Variants in BANF2 observed in about 807,000 individuals in gnomAD.
The protein encoded by BANF2 is BANF family member 2, also known as barrier-to-autointegration factor-like protein.
BANF2 carries 4 observed loss-of-function variants against 8.0 expected under a neutral mutation model. The ratio of observed to expected loss-of-function variants is 0.50; its 90% CI spans 0.25 to 1.14. BANF2 has a LOEUF of 1.14. Ranked by LOEUF, BANF2 falls within the 50% of genes most tolerant of loss-of-function variation. BANF2 has a pLI of 0.16. For synonymous variants in BANF2, 50 were observed against 40.6 expected (o/e 1.23, Z -0.88); for missense variants, 96 against 107.5 (o/e 0.89, Z 0.47).
chr20:17,701,458 A>G (rs144945812), intron 1 of BANF2, among the ~76,000 whole-genome samples: 29 of 152,270 alleles, frequency 1.9e-4, no homozygotes, highest in Admixed American at 3.9e-4. Flanking sequence ...TTCACTCTCT[A>G]TCGACTATCC....
chr20:17,733,226 G>A (rs2037927896), intron 3 of BANF2, among the ~76,000 whole-genome samples: 1 of 152,212 alleles, frequency 6.6e-6, no homozygotes, highest in Non-Finnish European at 1.5e-5. Flanking sequence ...GGATGCATTA[G>A]CCTCCAGGCC....
chr20:17,713,528 C>A (rs1005166582), intron 1 of BANF2, among the ~76,000 whole-genome samples: 1 of 152,152 alleles, frequency 6.6e-6, no homozygotes, highest in Non-Finnish European at 1.5e-5. Context: ...CTGCACTGTA[C>A]ACTTGCAGAT....
chr20:17,703,096 G>T (rs1175566917), intron 1 of BANF2, among the ~76,000 whole-genome samples: 1 of 152,100 alleles, frequency 6.6e-6, no homozygotes, highest in Non-Finnish European at 1.5e-5. Context: ...TGCATTTGCT[G>T]TTCTCTCTGC....
At chr20:17,727,640 G>A (rs901939244) in intron 3 of BANF2, among the ~76,000 whole-genome samples, 6 of 152,026 alleles carry the variant, frequency 3.9e-5, no homozygotes, top group Non-Finnish European at 7.4e-5. Flanking sequence ...CTGAAGTCAG[G>A]GCCAGCAATG....
intron 1 of BANF2, among the ~76,000 whole-genome samples, chr20:17,694,198 A>G (rs1471740219): frequency 2.6e-5 from 4 of 152,192 alleles, no homozygotes; most frequent in Non-Finnish European, 5.9e-5. Flanking sequence ...GTGGTATGGG[A>G]TGGGAGGTGG....
At chr20:17,735,389 T>C (rs182849377) in intron 3 of BANF2, among the ~76,000 whole-genome samples, 6 of 152,316 alleles carry the variant, frequency 3.9e-5, no homozygotes, top group Middle Eastern at 3.4e-3. Context: ...ACATGATTCA[T>C]GTGCTTGTCA....
intron 1 of BANF2, among the ~76,000 whole-genome samples, chr20:17,713,035 GCCAGGAGTT>G (rs2037597849): frequency 6.6e-6 from 1 of 152,038 alleles, no homozygotes; most frequent in Non-Finnish European, 1.5e-5. Context: ...ATTGCTTGAG[GCCAGGAGTT>G]CAAGACCAGC....
chr20:17,714,207 AAAAAAAAG>A (rs1199508814), intron 1 of BANF2, among the ~76,000 whole-genome samples: 3 of 148,650 alleles, frequency 2.0e-5, no homozygotes, highest in African/African-American at 7.3e-5. Context: ...CAAAAAAAAA[AAAAAAAAG>A]AAAGAAAGAA....
At chr20:17,712,443 G>A (rs1402108945) in intron 1 of BANF2, 25 of 824,532 alleles carry the variant, frequency 3.0e-5, no homozygotes, top group African/African-American at 5.6e-5. Context: ...TGGAAGGCAA[G>A]CCACCAAGTC....
chr20:17,714,105 C>T (rs927835280), intron 1 of BANF2, among the ~76,000 whole-genome samples: 1 of 144,752 alleles, frequency 6.9e-6, no homozygotes, highest in Non-Finnish European at 1.5e-5. Flanking sequence ...ACTTGGCAGG[C>T]TTAGGTACAA....
At chr20:17,732,444 C>A (rs1351553570) in intron 3 of BANF2, among the ~76,000 whole-genome samples, 1 of 152,238 alleles carries the variant, frequency 6.6e-6, no homozygotes. Flanking sequence ...TCAGCTCATG[C>A]AATCTCCACC....
intron 1 of BANF2, among the ~76,000 whole-genome samples, chr20:17,694,668 G>C (rs2037331259): frequency 7.8e-6 from 1 of 128,278 alleles, no homozygotes; most frequent in Admixed American, 9.4e-5. Context: ...GCCCAGGCTG[G>C]AGTGCAGTCA....
chr20:17,724,974 G>T, intron 2 of BANF2, 49 bp from the exon 3 acceptor site: 2 of 1,560,756 alleles, frequency 1.3e-6, no homozygotes, highest in Non-Finnish European at 1.8e-6. Context: ...TGCACACTGG[G>T]AGAAGTCAGG....
At chr20:17,730,537 A>G (rs902774515) in intron 3 of BANF2, among the ~76,000 whole-genome samples, 6 of 151,606 alleles carry the variant, frequency 4.0e-5, no homozygotes, top group African/African-American at 1.5e-4. Flanking sequence ...TCACTTCCTT[A>G]CAGGCGGGGC....
chr20:17,725,604 A>G lies in BANF2; in HGVS notation c.126+453A>G, dbSNP rs146452753. Among the ~76,000 whole-genome samples, 27 of 152,352 alleles carry G rather than the reference A, an allele frequency of 1.8e-4. 1 individual carries two copies. The East Asian group carries it at 4.4e-3, about 25-fold the overall frequency. On this transcript the variant is annotated intron_variant, in intron 3 of 3. Transcript: ENST00000246090. ...GGTCTACACTAGAGTGAGTTATTCT[A>G]TGATGTCACTCTCAGCCCAAGAATG...
intron 2 of BANF2, among the ~76,000 whole-genome samples, chr20:17,724,157 T>A (rs534970394): frequency 3.3e-5 from 5 of 152,288 alleles, no homozygotes; most frequent in Admixed American, 2.6e-4. Context: ...TTCATTAAGG[T>A]CCTAGGAGAC....
At chr20:17,730,667 T>C (rs2037881295) in intron 3 of BANF2, among the ~76,000 whole-genome samples, 1 of 152,224 alleles carries the variant, frequency 6.6e-6, no homozygotes, top group Admixed American at 6.5e-5. Flanking sequence ...GGAGCGAGAC[T>C]GAGTTCAGGA....
intron 3 of BANF2, among the ~76,000 whole-genome samples, chr20:17,726,919 A>G (rs2122639403): frequency 6.6e-6 from 1 of 152,352 alleles, no homozygotes; most frequent in Non-Finnish European, 1.5e-5. Context: ...AGCCGCTACC[A>G]TAGTCAAGAC....
chr20:17,699,915 A>G (rs2122561353), upstream of BANF2: 1 of 909,482 alleles, frequency 1.1e-6, no homozygotes, highest in Non-Finnish European at 1.3e-6. Flanking sequence ...GTGGTGTGAC[A>G]TCACAATGTA....
Sources: gnomAD v4.1 joint callset for allele counts (sites outside exome capture counted in the v4.1 genomes callset) on GRCh38, gnomAD v4.1.1 for gene constraint, MANE v1.5 for transcripts, NCBI Gene and HGNC (gene_info 2026-07-23, HGNC 2026-07-21) for gene names.